KHDRBS2: variants seen among roughly 807,000 people sequenced by gnomAD.
KHDRBS2 encodes the protein KH RNA binding domain containing, signal transduction associated 2.
KHDRBS2 carries 26 observed loss-of-function variants against 44.3 expected under a neutral mutation model. The observed-to-expected ratio is 0.59, with a 90% CI of 0.43 to 0.81. The LOEUF (loss-of-function observed/expected upper bound fraction) is 0.81. KHDRBS2 is among the 40% of genes least tolerant of loss of function. KHDRBS2 has a pLI of 0.00. For missense variants in KHDRBS2, 476 were observed against 433.1 expected (o/e 1.10, Z -0.88); for synonymous variants, 194 against 151.1 (o/e 1.28, Z -2.08).
intron 6 of KHDRBS2, among the ~76,000 whole-genome samples, chr6:61,859,142 A>G (rs1304661865): frequency 2.0e-5 from 3 of 151,860 alleles, no homozygotes; most frequent in Non-Finnish European, 4.4e-5. Context: ...TTAAAATTAT[A>G]TAGGTGGGCA....
chr6:62,271,369 T>C (rs1840062241), intron 1 of KHDRBS2, among the ~76,000 whole-genome samples: 1 of 152,180 alleles, frequency 6.6e-6, no homozygotes, highest in Non-Finnish European at 1.5e-5. Context: ...GTGCTGCCAG[T>C]AGTATAAAAG....
chr6:62,060,560 T>A (rs1791536402), intron 2 of KHDRBS2, among the ~76,000 whole-genome samples: 1 of 151,620 alleles, frequency 6.6e-6, no homozygotes, highest in Admixed American at 6.6e-5. Flanking sequence ...ATCTCATAAT[T>A]TGTATAACAT....
chr6:61,754,218 C>T (rs1423028215), intron 6 of KHDRBS2, among the ~76,000 whole-genome samples: 1 of 152,076 alleles, frequency 6.6e-6, no homozygotes, highest in African/African-American at 2.4e-5. Context: ...CAAGCTGAGA[C>T]GTTAAAAGCT....
At chr6:61,693,285 C>T (rs4487562) in intron 8 of KHDRBS2, among the ~76,000 whole-genome samples, 6 of 152,072 alleles carry the variant, frequency 3.9e-5, no homozygotes, top group African/African-American at 7.2e-5. Flanking sequence ...CACCAACTAC[C>T]TAATACCTAA....
chr6:61,647,949 TGGAA>T, the KHDRBS2 span, among the ~76,000 whole-genome samples: 1 of 152,104 alleles, frequency 6.6e-6, no homozygotes, highest in African/African-American at 2.4e-5. Context: ...AAAAAATAGG[TGGAA>T]GCAATAACCT....
intron 6 of KHDRBS2, among the ~76,000 whole-genome samples, chr6:61,838,280 T>C (rs1378422556): frequency 6.6e-6 from 1 of 152,002 alleles, no homozygotes. Flanking sequence ...ATTTTTGAGA[T>C]GTTCAAATTA....
chr6:61,620,720 C>A, the KHDRBS2 span, among the ~76,000 whole-genome samples: 2 of 152,184 alleles, frequency 1.3e-5, no homozygotes, highest in Non-Finnish European at 2.9e-5. Context: ...CTAGAGGCTA[C>A]TATTACTCTA....
chr6:61,718,560 T>C (rs1012646692), intron 7 of KHDRBS2, among the ~76,000 whole-genome samples: 56 of 152,124 alleles, frequency 3.7e-4, no homozygotes, highest in African/African-American at 1.3e-3. Context: ...GTCTATTGGA[T>C]TGGTTTTCCT....
At chr6:61,656,252 C>T in the KHDRBS2 span, among the ~76,000 whole-genome samples, 1 of 151,994 alleles carries the variant, frequency 6.6e-6, no homozygotes, top group African/African-American at 2.4e-5. Context: ...ATAGCCTCAT[C>T]TCTTGTTGCT....
At chr6:61,657,726 G>T in the KHDRBS2 span, among the ~76,000 whole-genome samples, 4 of 151,960 alleles carry the variant, frequency 2.6e-5, no homozygotes. Context: ...ACCAGCTGCT[G>T]TGGGCATAAA....
Position 61,737,612 on chromosome 6 carries a change from C to T in KHDRBS2, c.811-4848G>A, listed in dbSNP as rs753924609. The stretch of plus-strand genomic sequence containing the variant: ...AATCAGATCGTTTTCCTAATGCCAG[C>T]ACTAAGGAAGTAGTAGGTGGATTTC... On this transcript the variant is annotated intron_variant, in intron 6 of 8. Transcript: ENST00000281156. Among the ~76,000 whole-genome samples the T allele has an allele frequency of 2.0e-5, 3 of 152,052 alleles. No homozygotes were observed. The South Asian group carries it at 6.2e-4, about 32-fold the overall frequency.
At chr6:61,958,215 T>C (rs1767851669) in intron 4 of KHDRBS2, among the ~76,000 whole-genome samples, 1 of 152,162 alleles carries the variant, frequency 6.6e-6, no homozygotes, top group African/African-American at 2.4e-5. Flanking sequence ...TTAATTTCTT[T>C]GTGGACACAA....
chr6:62,000,940 T>C (rs1416577431), intron 3 of KHDRBS2, among the ~76,000 whole-genome samples: 2 of 152,194 alleles, frequency 1.3e-5, no homozygotes, highest in Non-Finnish European at 2.9e-5. Context: ...TATGTTTAGT[T>C]GACATACAAA....
At chr6:61,627,224 G>C in the KHDRBS2 span, among the ~76,000 whole-genome samples, 2 of 121,064 alleles carry the variant, frequency 1.7e-5, no homozygotes, top group East Asian at 5.2e-4. Context: ...CTGCACTCCA[G>C]CCTGGGCGAC....
At chr6:61,816,310 T>G (rs1788922201) in intron 6 of KHDRBS2, among the ~76,000 whole-genome samples, 1 of 152,124 alleles carries the variant, frequency 6.6e-6, no homozygotes, top group South Asian at 2.1e-4. Context: ...TAATCAAATT[T>G]GGATCCATGG....
intron 1 of KHDRBS2, among the ~76,000 whole-genome samples, chr6:62,273,918 C>A (rs1402789644): frequency 6.6e-6 from 1 of 152,082 alleles, no homozygotes; most frequent in African/African-American, 2.4e-5. Context: ...CAACCCAACA[C>A]TTTACATTTT....
chr6:62,129,805 G>A (rs188596452), intron 2 of KHDRBS2, among the ~76,000 whole-genome samples: 1 of 151,896 alleles, frequency 6.6e-6, no homozygotes, highest in African/African-American at 2.4e-5. Flanking sequence ...GCAGATAGAT[G>A]GTTTTCATGA....
intron 1 of KHDRBS2, among the ~76,000 whole-genome samples, chr6:62,225,692 C>T (rs748309178): frequency 2.1e-4 from 32 of 151,768 alleles, no homozygotes; most frequent in Non-Finnish European, 3.8e-4. Context: ...TACCCTCGGC[C>T]CCCACCCCCA....
intron 1 of KHDRBS2, among the ~76,000 whole-genome samples, chr6:62,196,978 A>T (rs993546941): frequency 3.3e-5 from 5 of 152,100 alleles, no homozygotes; most frequent in Non-Finnish European, 7.4e-5. Context: ...TTCATTCTAT[A>T]GTCTACTTTG....
Sources: gnomAD v4.1 joint callset for allele counts (sites outside exome capture counted in the v4.1 genomes callset) on GRCh38, gnomAD v4.1.1 for gene constraint, MANE v1.5 for transcripts, NCBI Gene and HGNC (gene_info 2026-07-23, HGNC 2026-07-21) for gene names.